Variants in CACNA2D1 observed in about 807,000 individuals in gnomAD.
CACNA2D1 encodes the protein voltage-dependent calcium channel subunit alpha-2/delta-1.
CACNA2D1 carries 53 observed loss-of-function variants against 171.5 expected under a neutral mutation model. The observed-to-expected ratio is 0.31, with a 90% CI of 0.25 to 0.39. CACNA2D1 has a LOEUF of 0.39. Among genes scored for constraint, CACNA2D1 ranks in the 10% least tolerant of loss-of-function variants. The probability of loss-of-function intolerance (pLI) is 1.00; values close to 1 mark genes in which losing one functional copy is unlikely to be tolerated. For missense variants in CACNA2D1, 903 were observed against 1,299.8 expected, an observed-to-expected ratio of 0.69 and a Z score of 4.69; for synonymous variants, 442 against 443.1, an observed-to-expected ratio of 1.00 and a Z score of 0.03.
chr7:82,362,506 A>T, intron 1 of CACNA2D1, among the ~76,000 whole-genome samples: 1 of 152,182 alleles, frequency 6.6e-6, no homozygotes. Flanking sequence ...GGACTTGAGC[A>T]CATGCAATCC....
intron 3 of CACNA2D1, among the ~76,000 whole-genome samples, chr7:82,207,672 C>T (rs1800149965): frequency 6.6e-6 from 1 of 152,138 alleles, no homozygotes; most frequent in Non-Finnish European, 1.5e-5. Flanking sequence ...TAGTCACCTG[C>T]TGGTAGCTCC....
chr7:82,443,101 G>A (rs898776328), intron 1 of CACNA2D1, among the ~76,000 whole-genome samples: 42 of 152,274 alleles, frequency 2.8e-4, no homozygotes, highest in African/African-American at 9.9e-4. Context: ...CTGAGACGCC[G>A]CGAGTCGTCG....
At chr7:82,396,138 C>A (rs1825735048) in intron 1 of CACNA2D1, among the ~76,000 whole-genome samples, 1 of 151,978 alleles carries the variant, frequency 6.6e-6, no homozygotes, top group African/African-American at 2.4e-5. Context: ...CCACTTTTTT[C>A]TGAGTTGAAA....
At chr7:82,361,531 C>T (rs192654988) in intron 1 of CACNA2D1, among the ~76,000 whole-genome samples, 46 of 152,084 alleles carry the variant, frequency 3.0e-4, no homozygotes, top group Admixed American at 1.0e-3. Flanking sequence ...AATTATGAAA[C>T]ATTTGCTAAT....
intron 38 of CACNA2D1, 35 bp from the exon 39 acceptor site, chr7:81,950,543 G>C: frequency 6.3e-7 from 1 of 1,580,914 alleles, no homozygotes; most frequent in South Asian, 1.2e-5. Flanking sequence ...AACAGAAAAA[G>C]AAAAATCTAA....
intron 3 of CACNA2D1, among the ~76,000 whole-genome samples, chr7:82,264,001 C>G (rs1279348087): frequency 6.6e-6 from 1 of 151,936 alleles, no homozygotes; most frequent in Non-Finnish European, 1.5e-5. Context: ...AGGCCGTCAC[C>G]GTTTTTAAAA....
chr7:82,085,732 T>C (rs1810396039), intron 6 of CACNA2D1, among the ~76,000 whole-genome samples: 1 of 151,826 alleles, frequency 6.6e-6, no homozygotes, highest in Non-Finnish European at 1.5e-5. Context: ...TAGAGCATGG[T>C]GCCGATAAGG....
At chr7:82,088,363 G>C (rs531916921) in intron 6 of CACNA2D1, among the ~76,000 whole-genome samples, 42 of 152,074 alleles carry the variant, frequency 2.8e-4, no homozygotes, top group African/African-American at 9.4e-4. Flanking sequence ...ATTATTTTCA[G>C]CAAATATTAC....
At chr7:81,984,847 A>C in intron 21 of CACNA2D1, 136 bp from the exon 22 acceptor site, 1 of 663,522 alleles carries the variant, frequency 1.5e-6, no homozygotes, top group African/African-American at 1.8e-5. Context: ...CTTTGACAAG[A>C]AAATGCATTC....
At position 82,180,037 on chromosome 7, in the gene CACNA2D1, G is replaced by A. The variant is rs142036842; in HGVS notation, c.295-9428C>T. On this transcript the variant is annotated intron_variant, in intron 3 of 38. Transcript: ENST00000356860. ...TTGACCATATTAGTCCTCTGAATTA[G>A]TCCCAATTTCAATCACCATATTGAG... 8.5e-5 allele frequency among the ~76,000 whole-genome samples: 13 copies of A among 152,218 alleles called. No homozygotes were observed. The East Asian group carries it at 2.3e-3, about 27-fold the overall frequency.
rs903566505 is a variant in CACNA2D1, at chr7:82,114,613, G to A, written c.526+2431C>T. Among the ~76,000 whole-genome samples the A allele has an allele frequency of 4.6e-5, 7 of 152,030 alleles. No individual in the cohort carries two copies. The South Asian group carries it at 8.3e-4, about 18-fold the overall frequency. On this transcript the variant is annotated intron_variant, in intron 6 of 38. Transcript: ENST00000356860. ...AAAAAACAAACAAAAAAAATTAGCC[G>A]GGCATGGTGGTGCATGCCTGTAATC...
chr7:81,954,198 G>A (rs1281866912), intron 38 of CACNA2D1, among the ~76,000 whole-genome samples: 2 of 151,982 alleles, frequency 1.3e-5, no homozygotes, highest in Admixed American at 6.6e-5. Context: ...ACCATGACCA[G>A]ATATAATAAA....
chr7:82,064,040 C>T (rs1052645974), intron 9 of CACNA2D1, among the ~76,000 whole-genome samples: 21 of 151,764 alleles, frequency 1.4e-4, no homozygotes, highest in African/African-American at 4.6e-4. Context: ...CCAACATTAA[C>T]TTATTTAATA....
At chr7:82,403,326 G>T (rs188060276) in intron 1 of CACNA2D1, among the ~76,000 whole-genome samples, 1 of 152,290 alleles carries the variant, frequency 6.6e-6, no homozygotes, top group African/African-American at 2.4e-5. Context: ...GTATTAGTTA[G>T]AATTTTTTTG....
chr7:82,171,477 C>G (rs1377750116), intron 3 of CACNA2D1, among the ~76,000 whole-genome samples: 2 of 151,982 alleles, frequency 1.3e-5, no homozygotes, highest in Admixed American at 6.6e-5. Context: ...TCAGCCCTTG[C>G]AAACTACTAG....
At chr7:82,238,950 A>G (rs1803928803) in intron 3 of CACNA2D1, among the ~76,000 whole-genome samples, 1 of 152,114 alleles carries the variant, frequency 6.6e-6, no homozygotes, top group Non-Finnish European at 1.5e-5. Flanking sequence ...ATAGATATGC[A>G]ACAATCTTTA....
rs185065751 is a variant in CACNA2D1 at position 82,229,969 on chromosome 7, G to T, written c.295-59360C>A. Among the ~76,000 whole-genome samples the T allele has an allele frequency of 1.5e-3, 221 of 152,252 alleles. 1 individual carries two copies. The highest frequency in any genetic ancestry group is 4.9e-3 in the African/African-American group (204 of 41,560). On this transcript the variant is annotated intron_variant, in intron 3 of 38. Transcript: ENST00000356860. ...GTGAAGGAGGAACATGTTCTTATAA[G>T]CACAGCTCCAATTCCTGTTACACAT...
intron 3 of CACNA2D1, among the ~76,000 whole-genome samples, chr7:82,203,501 T>C (rs1005920672): frequency 5.3e-5 from 8 of 152,196 alleles, no homozygotes; most frequent in Non-Finnish European, 1.0e-4. Context: ...TCTGATTGTC[T>C]TGCAGATTTA....
chr7:82,155,412 C>A (rs1446087217), intron 4 of CACNA2D1, among the ~76,000 whole-genome samples: 2 of 152,100 alleles, frequency 1.3e-5, no homozygotes, highest in Non-Finnish European at 2.9e-5. Flanking sequence ...AAATCTGAAT[C>A]CAGGTCTATC....
Sources: gnomAD v4.1 joint callset for allele counts (sites outside exome capture counted in the v4.1 genomes callset) on GRCh38, gnomAD v4.1.1 for gene constraint, MANE v1.5 for transcripts, NCBI Gene and HGNC (gene_info 2026-07-23, HGNC 2026-07-21) for gene names.